Variants in TLE1 observed in about 807,000 individuals in gnomAD.
TLE1 encodes transducin-like enhancer protein 1.
In TLE1, 21 loss-of-function variants were observed where a neutral mutation model predicts 89.8. That is an observed-to-expected ratio of 0.23 (90% CI 0.17 to 0.34). TLE1 has a LOEUF of 0.34. Ranked by LOEUF, TLE1 falls within the 10% of genes least tolerant of loss-of-function variation. TLE1 has a pLI of 1.00. For missense variants in TLE1, 795 were observed against 1,031.2 expected (o/e 0.77, Z 3.14); for synonymous variants, 447 against 407.6 (o/e 1.10, Z -1.16).
chr9:81,659,722 T>C (rs2132729551), intron 4 of TLE1, among the ~76,000 whole-genome samples: 1 of 152,280 alleles, frequency 6.6e-6, no homozygotes, highest in African/African-American at 2.4e-5. Context: ...AGGGTTTGCA[T>C]CTTGGCAAAC....
intron 12 of TLE1, chr9:81,612,332 A>T (rs1823825846): frequency 3.9e-6 from 4 of 1,018,692 alleles, no homozygotes; most frequent in South Asian, 9.3e-5. Flanking sequence ...ATAAAATCCA[A>T]GATTTCTCTT....
rs146347390 is a variant in TLE1, at chr9:81,676,635, G to A, written c.234+9041C>T. ...AAAGTACTCAGGGGTAGACACAGCAGGCTATGAGGGACAAAGAGGTCATCA... is the reference window on the plus strand; with the variant it reads ...AAAGTACTCAGGGGTAGACACAGCAAGCTATGAGGGACAAAGAGGTCATCA... On this transcript the variant is annotated intron_variant, in intron 4 of 19. Transcript: ENST00000376499. 1.9e-4 allele frequency among the ~76,000 whole-genome samples: 29 copies of A among 152,306 alleles called. 1 individual carries two copies. The East Asian group carries it at 5.6e-3, about 29-fold the overall frequency.
At chr9:81,635,178 TG>T (rs1827215562) in intron 6 of TLE1, among the ~76,000 whole-genome samples, 1 of 152,204 alleles carries the variant, frequency 6.6e-6, no homozygotes, top group African/African-American at 2.4e-5. Context: ...TTGTGGCCGC[TG>T]GAAGAAACAT....
chr9:81,615,260 T>C (rs543100902), intron 11 of TLE1, among the ~76,000 whole-genome samples: 7 of 134,476 alleles, frequency 5.2e-5, no homozygotes, highest in African/African-American at 2.0e-4. Flanking sequence ...ACCTGGGAGG[T>C]GGAGGTTGCA....
intron 6 of TLE1, among the ~76,000 whole-genome samples, chr9:81,642,508 A>C (rs1564014113): frequency 6.7e-6 from 1 of 148,652 alleles, no homozygotes; most frequent in South Asian, 2.2e-4. Flanking sequence ...CCTGGCCAAC[A>C]TGGTGAAACC....
intron 4 of TLE1, among the ~76,000 whole-genome samples, chr9:81,664,102 G>C (rs1434331684): frequency 6.6e-6 from 1 of 152,026 alleles, no homozygotes; most frequent in African/African-American, 2.4e-5. Context: ...TCTAGTTCCT[G>C]AAGATGACGT....
At position 81,615,081 on chromosome 9, in the gene TLE1, C is replaced by CAAAAAAAAA. The variant is rs34947337; in HGVS notation, c.918+892_918+900dup. Among the ~76,000 whole-genome samples the CAAAAAAAAA allele has an allele frequency of 4.0e-4, 10 of 25,106 alleles. 1 individual carries two copies. The highest frequency in any genetic ancestry group is 4.7e-4 in the Non-Finnish European group (7 of 14,866). 16.5% of individuals were successfully genotyped at this position (25,106 alleles called of 152,430 possible). On this transcript the variant is annotated intron_variant, in intron 11 of 19. Transcript: ENST00000376499. ...TGGGTGACAGAGTGAGACTCCATCT[C>CAAAAAAAAA]AAAAAAAAAAAAAAAAAAAAAAAAA...
chr9:81,635,916 T>C (rs545627684), intron 6 of TLE1, among the ~76,000 whole-genome samples: 5 of 152,064 alleles, frequency 3.3e-5, no homozygotes, highest in Non-Finnish European at 7.4e-5. Flanking sequence ...TCCCAACACT[T>C]TGGAGGCCAA....
intron 6 of TLE1, among the ~76,000 whole-genome samples, chr9:81,647,032 GGTTT>G (rs1246155791): frequency 2.0e-5 from 3 of 151,892 alleles, no homozygotes; most frequent in Non-Finnish European, 4.4e-5. Flanking sequence ...CGAATTTCAT[GGTTT>G]TTTTTTTCTC....
At chr9:81,596,256 C>G (rs1215248463) in intron 14 of TLE1, among the ~76,000 whole-genome samples, 1 of 152,108 alleles carries the variant, frequency 6.6e-6, no homozygotes, top group Non-Finnish European at 1.5e-5. Context: ...CACAATGCAG[C>G]GAGCTGCTGT....
At chr9:81,663,210 T>C (rs1353235337) in intron 4 of TLE1, among the ~76,000 whole-genome samples, 2 of 152,288 alleles carry the variant, frequency 1.3e-5, no homozygotes, top group East Asian at 3.9e-4. Flanking sequence ...CTCACCACGT[T>C]TGCGATCAAC....
chr9:81,688,093 C>G, intron 1 of TLE1, 124 bp downstream of exon 1: 2 of 1,299,076 alleles, frequency 1.5e-6, no homozygotes, highest in Non-Finnish European at 2.2e-6. Context: ...CAGACCTCCC[C>G]AGCCTTACAC....
intron 6 of TLE1, among the ~76,000 whole-genome samples, chr9:81,644,758 CAG>C (rs1198845249): frequency 6.6e-6 from 1 of 152,074 alleles, no homozygotes; most frequent in Non-Finnish European, 1.5e-5. Context: ...CTTTGGGAGG[CAG>C]AGACAGGTGA....
chr9:81,611,479 C>A (rs951615808), intron 13 of TLE1, among the ~76,000 whole-genome samples: 2 of 152,220 alleles, frequency 1.3e-5, no homozygotes, highest in Admixed American at 6.5e-5. Context: ...GGGAGAAAAC[C>A]AGATGTCCCC....
rs1824558832 is a variant in TLE1, at chr9:81,616,710, G to A, written c.712-11C>T. 1.2e-6 allele frequency: 2 copies of A among 1,613,970 alleles called. No homozygotes were observed. The highest frequency in any genetic ancestry group is 1.7e-6 in the Non-Finnish European group (2 of 1,179,928). Reference sequence around the variant, plus strand: ...GTCACCATCACTGTCCTGGAAAAAAGAAACATTAACGCCATTTACTAAAAG... The same window carrying A: ...GTCACCATCACTGTCCTGGAAAAAAAAAACATTAACGCCATTTACTAAAAG... On this transcript the variant is annotated splice_polypyrimidine_tract_variant and intron_variant, in intron 9 of 19. Transcript: ENST00000376499.
intron 6 of TLE1, among the ~76,000 whole-genome samples, chr9:81,638,172 G>A (rs62576167): frequency 3.2e-4 from 48 of 152,194 alleles, no homozygotes; most frequent in Non-Finnish European, 5.3e-4. Flanking sequence ...GGGAGTTTAC[G>A]CTTAGACTGC....
At chr9:81,682,439 T>C (rs1271011985) in intron 4 of TLE1, among the ~76,000 whole-genome samples, 1 of 151,984 alleles carries the variant, frequency 6.6e-6, no homozygotes, top group Non-Finnish European at 1.5e-5. Flanking sequence ...AGAAGACAAA[T>C]CACATTGAAA....
At position 81,652,065 on chromosome 9, in the gene TLE1, C is replaced by G. The variant is rs1482053055; in HGVS notation, c.372+149G>C. On this transcript the variant is annotated intron_variant, in intron 6 of 19. Coordinates refer to ENST00000376499, the MANE Select transcript of TLE1 (RefSeq NM_005077.5). ...ACCTTAGCACATCCCAAGTCTCTTC[C>G]TCTCCTCCTCCCACCCTTATCAAAT... 9 of 718,426 alleles carry G rather than the reference C, an allele frequency of 1.3e-5. No individual in the cohort carries two copies. The East Asian group carries it at 2.3e-4, about 18-fold the overall frequency. The allele number at this position is 718,426 out of a possible 1,614,324, so 44.5% of individuals were successfully genotyped here.
chr9:81,645,852 C>T (rs1828794762), intron 6 of TLE1, among the ~76,000 whole-genome samples: 1 of 152,228 alleles, frequency 6.6e-6, no homozygotes, highest in South Asian at 2.1e-4. Context: ...AAAACATCTC[C>T]TGTACCTCAT....
Sources: allele counts gnomAD v4.1 joint callset (sites outside exome capture counted in the v4.1 genomes callset), GRCh38; gene constraint gnomAD v4.1.1; transcripts MANE v1.5; gene names NCBI Gene and HGNC (gene_info 2026-07-23, HGNC 2026-07-21).